Variants in LTBP4 observed in about 807,000 individuals in gnomAD.
LTBP4 encodes latent-transforming growth factor beta-binding protein 4.
A neutral mutation model predicts 180.2 loss-of-function variants in LTBP4; 93 were observed. The observed-to-expected ratio is 0.52, with a 90% CI of 0.44 to 0.61. The LOEUF (loss-of-function observed/expected upper bound fraction) is 0.61, where lower values mean the gene tolerates loss of function less well. Ranked by LOEUF, LTBP4 falls within the 20% of genes least tolerant of loss-of-function variation. The pLI, the probability that LTBP4 is intolerant of heterozygous loss-of-function variation, is 0.00. For missense variants in LTBP4, 2,116 were observed against 2,256.5 expected (o/e 0.94, Z 1.26); for synonymous variants, 947 against 934.5 (o/e 1.01, Z -0.24).
At chr19:40,598,341 G>A (rs960365290), upstream of LTBP4, among the ~76,000 whole-genome samples, 2 of 151,914 alleles carry the variant, frequency 1.3e-5, no homozygotes, top group African/African-American at 4.8e-5. Context: ...CCACCTGAGA[G>A]GGGCCCACGC....
At chr19:40,610,698 G>A (rs1443029245) in intron 12 of LTBP4, 41 bp downstream of exon 12, 1 of 1,552,628 alleles carries the variant, frequency 6.4e-7, no homozygotes, top group African/African-American at 1.3e-5. Flanking sequence ...GGTGTGAGCG[G>A]TTGGGTAGAG....
upstream of LTBP4, chr19:40,601,352 T>G (rs1318139677): frequency 9.1e-7 from 1 of 1,100,944 alleles, no homozygotes; most frequent in Non-Finnish European, 1.1e-6. Flanking sequence ...TCGGGCGGGC[T>G]GGGGCGGCGG....
intron 11 of LTBP4, 153 bp from the exon 12 acceptor site, chr19:40,610,379 C>T: frequency 1.2e-6 from 1 of 847,562 alleles, no homozygotes; most frequent in Non-Finnish European, 1.8e-6. Context: ...TTGCCTCTCT[C>T]ACTGTGCCCC....
At position 40,609,823 on chromosome 19, in the gene LTBP4, G is replaced by A. The variant is rs886054446; in HGVS notation, c.1636G>A (p.Val546Met). The A allele has an allele frequency of 6.2e-7, 1 of 1,604,678 alleles. No individual in the cohort carries two copies. The highest frequency in any genetic ancestry group is 8.5e-7 in the Non-Finnish European group (1 of 1,175,318). The change falls in exon 11 of 30, where the codon GTG becomes ATG. Residue 546 changes from valine (V) to methionine (M), a missense_variant. Val to Met is a conservative substitution (Grantham distance 21). Coordinates refer to ENST00000396819, the MANE Select transcript of LTBP4 (RefSeq NM_001042545.2). The surrounding 1 kb of genome is among the most constrained non-coding windows in gnomAD (Gnocchi z 4.9). ...CENSPGSFRCVCGPGFRAGPR... is the reference protein window; with the variant it reads ...CENSPGSFRCMCGPGFRAGPR... Reference sequence around the variant, plus strand: ...GAACTCACCAGGCAGCTTCCGCTGCGTGTGCGGCCCGGGCTTCCGAGCCGG... The same window carrying A: ...GAACTCACCAGGCAGCTTCCGCTGCATGTGCGGCCCGGGCTTCCGAGCCGG...
chr19:40,608,098 C>T, intron 7 of LTBP4, 122 bp from the exon 8 acceptor site: 1 of 1,056,986 alleles, frequency 9.5e-7, no homozygotes, highest in Non-Finnish European at 1.4e-6. Context: ...ATCCCAGCCT[C>T]CAGCTCAAAC....
At chr19:40,601,147 G>A (rs894029983), upstream of LTBP4, among the ~76,000 whole-genome samples, 1 of 152,134 alleles carries the variant, frequency 6.6e-6, no homozygotes, top group Non-Finnish European at 1.5e-5. Context: ...CCACTTGTTG[G>A]TGCGCGGATG....
At chr19:40,603,019 C>T (rs2081435108) in intron 1 of LTBP4, among the ~76,000 whole-genome samples, 1 of 152,156 alleles carries the variant, frequency 6.6e-6, no homozygotes, top group South Asian at 2.1e-4. Context: ...GCCCCACACT[C>T]CTACCTAAGG....
At chr19:40,627,603 A>G (rs1309200315) in intron 28 of LTBP4, 102 bp from the exon 29 acceptor site, 2 of 1,455,950 alleles carry the variant, frequency 1.4e-6, no homozygotes, top group African/African-American at 1.4e-5. Context: ...CGGGATGGAC[A>G]GTTTACAGCG....
Position 40,609,581 on chromosome 19 carries a change from G to C in LTBP4, c.1478G>C (p.Arg493Pro). 1.2e-6 allele frequency: 2 copies of C among 1,613,482 alleles called. No individual in the cohort carries two copies. Among genetic ancestry groups the C allele is most frequent in the Non-Finnish European group, 1.7e-6 (2 of 1,179,848 alleles). The change falls in exon 10 of 30, where the codon CGC (arginine) becomes CCC (proline). Residue 493 changes from arginine to proline, a missense_variant. Physicochemically the swap from Arg to Pro is moderately radical, Grantham distance 103 (BLOSUM62 -2). Coordinates refer to ENST00000396819, the MANE Select transcript of LTBP4 (RefSeq NM_001042545.2). The surrounding 1 kb of genome is among the most constrained non-coding windows in gnomAD (Gnocchi z 4.9). ...QRNPQVCGPG[R>P]CISRPSGYTC... ...AACCCCCAGGTCTGCGGCCCAGGAC[G>C]CTGCATTTCCCGGCCCAGCGGCTAC...
chr19:40,622,447 GCCCGCCAGGCCA>G lies in LTBP4; in HGVS notation c.3267_3278del (p.Ala1090_Pro1093del), dbSNP rs747576593. ...CCCAGGCACCTGCTAGCCCCGTTCT[GCCCGCCAGGCCA>G]CCTCCGCCACCCCTGCCCCGCCGAC... On this transcript the variant is annotated inframe_deletion, in exon 23 of 30. Coordinates refer to ENST00000396819, the MANE Select transcript of LTBP4 (RefSeq NM_001042545.2). The surrounding 1 kb of genome is among the most constrained non-coding windows in gnomAD (Gnocchi z 5.1). The G allele has an allele frequency of 6.3e-7, 1 of 1,594,416 alleles. No individual in the cohort carries two copies.
rs1389627565 is a variant in LTBP4 at position 40,624,135 on chromosome 19, C to T, written c.3832+53C>T. 4.8e-6 allele frequency: 7 copies of T among 1,470,884 alleles called. No individual in the cohort carries two copies. The East Asian group carries it at 1.0e-4, about 21-fold the overall frequency. The allele number at this position is 1,470,884 out of a possible 1,614,324, so 91.1% of individuals were successfully genotyped here. A position where few individuals can be genotyped will look rare whatever the true frequency, so the allele number is the denominator to read the frequency against. On this transcript the variant is annotated intron_variant, in intron 26 of 29. Transcript: ENST00000396819. ...TCCTTCCCTTGGCTCGGCCTCACAC[C>T]CGCACCCGGGCCACACCTTTGCGAC...
chr19:40,618,160 C>G (rs945191284), intron 21 of LTBP4, among the ~76,000 whole-genome samples: 1 of 151,588 alleles, frequency 6.6e-6, no homozygotes, highest in Admixed American at 6.6e-5. Flanking sequence ...AACTCCTGGG[C>G]TCAAGCCATC....
At chr19:40,614,832 C>T (rs932733239) in intron 19 of LTBP4, among the ~76,000 whole-genome samples, 1 of 152,178 alleles carries the variant, frequency 6.6e-6, no homozygotes, top group African/African-American at 2.4e-5. Flanking sequence ...CCGCGCCCTC[C>T]ACCAGTCCTA....
Position 40,629,408 on chromosome 19 carries a change from G to A in LTBP4, c.4532G>A (p.Cys1511Tyr), listed in dbSNP as rs1178148404. ...CTCCCCTCCGCAGACATCAACGAGT[G>A]TGATGAGGCCGAGGCTGCCTCCCCG... ...TRMACVDINE[C>Y]DEAEAASPLC... Residue 1511 changes from cysteine to tyrosine, a missense_variant, in exon 30 of 30, where the codon TGT becomes TAT. Physicochemically the swap from Cys to Tyr is radical, Grantham distance 194 (BLOSUM62 -2). This residue lies in a region of LTBP4 where 488 missense variants were observed against 458.8 expected (regional missense o/e 1.06). Coordinates refer to ENST00000396819, the MANE Select transcript of LTBP4 (RefSeq NM_001042545.2). The surrounding 1 kb of genome is among the most constrained non-coding windows in gnomAD (Gnocchi z 4.5). The A allele has an allele frequency of 3.1e-6, 5 of 1,613,014 alleles. No homozygotes were observed. Among genetic ancestry groups the A allele is most frequent in the Non-Finnish European group, 3.4e-6 (4 of 1,179,632 alleles).
At position 40,622,848 on chromosome 19, in the gene LTBP4, C is replaced by T; in HGVS notation, c.3485-102C>T. The T allele has an allele frequency of 7.1e-7, 1 of 1,407,602 alleles. No homozygotes were observed. The highest frequency in any genetic ancestry group is 9.7e-7 in the Non-Finnish European group (1 of 1,029,582). 87.2% of individuals were successfully genotyped at this position (1,407,602 alleles called of 1,614,324 possible). A position where few individuals can be genotyped will look rare whatever the true frequency, so the allele number is the denominator to read the frequency against. ...CATAAGGCTGAGAGGTGGGCACTAA[C>T]AGGCACAGGGCCAGAGGGACTTTTG... On this transcript the variant is annotated intron_variant, in intron 23 of 29. Transcript: ENST00000396819. The surrounding 1 kb of genome is among the most constrained non-coding windows in gnomAD (Gnocchi z 5.1).
In LTBP4 at chr19:40,613,382, C is replaced by T. The variant is rs1195578536; in HGVS notation, c.2432-22C>T. ...TGGGAGGCCGGGTCCCGTGACTCCGCCCAATCTCCCGCGTACCCTAGACGT... is the reference window on the plus strand; with the variant it reads ...TGGGAGGCCGGGTCCCGTGACTCCGTCCAATCTCCCGCGTACCCTAGACGT... On this transcript the variant is annotated intron_variant, in intron 16 of 29. Transcript: ENST00000396819. The surrounding 1 kb of genome is among the most constrained non-coding windows in gnomAD (Gnocchi z 5.0). The T allele has an allele frequency of 6.2e-7, 1 of 1,601,014 alleles. No homozygotes were observed. The highest frequency in any genetic ancestry group is 1.7e-5 in the Admixed American group (1 of 58,684).
rs896014732 is a variant in LTBP4 at position 40,605,938 on chromosome 19, G to C, written c.793+107G>C. 6.4e-6 allele frequency: 8 copies of C among 1,255,180 alleles called. No individual in the cohort carries two copies. The highest frequency in any genetic ancestry group is 2.4e-5 in the Admixed American group (1 of 41,880). 77.8% of individuals were successfully genotyped at this position (1,255,180 alleles called of 1,614,324 possible). ...AACCCAGTTCACAAATTGTAGCCAC[G>C]CCTACCCCATTGTGGAGGCGACTTC... is the stretch of plus-strand genomic sequence containing the variant. On this transcript the variant is annotated intron_variant, in intron 4 of 29. Transcript: ENST00000396819. The surrounding 1 kb of genome is among the most constrained non-coding windows in gnomAD (Gnocchi z 5.5).
In LTBP4 at chr19:40,627,692, G is replaced by A. The variant is rs2081646125; in HGVS notation, c.4367-13G>A. 1 of 1,579,978 alleles carries A rather than the reference G, an allele frequency of 6.3e-7. No homozygotes were observed. The highest frequency in any genetic ancestry group is 2.3e-5 in the East Asian group (1 of 42,898). On this transcript the variant is annotated splice_polypyrimidine_tract_variant and intron_variant, in intron 28 of 29. Transcript: ENST00000396819. ...AGGGACCTCAAGTCATAGGGTCCCC[G>A]CATTTCCCACAGGTTCCCTGGCTGA...
In LTBP4 at chr19:40,629,675, C is replaced by A. The variant is rs569370832; in HGVS notation, c.*125C>A. On this transcript the variant is annotated 3_prime_UTR_variant, in exon 30 of 30. Transcript: ENST00000396819. This position sits in a 1 kb window ranked among gnomAD's most constrained non-coding sequence, Gnocchi z 4.5. ...TGGACCTGGAGAAGGGACCTACGGA[C>A]GCCTGGAAGCTGCGACGCCCTGCAC... 1 of 1,024,424 alleles carries A rather than the reference C, an allele frequency of 9.8e-7. No individual in the cohort carries two copies. Among genetic ancestry groups the A allele is most frequent in the Non-Finnish European group, 1.3e-6 (1 of 785,822 alleles). 63.5% of individuals were successfully genotyped at this position (1,024,424 alleles called of 1,614,324 possible).
Sources: gnomAD v4.1 joint callset for allele counts (sites outside exome capture counted in the v4.1 genomes callset) on GRCh38, gnomAD v4.1.1 for gene constraint, gnomAD v4.1.1 regional missense constraint, Gnocchi (gnomAD v3.1) non-coding constraint, MANE v1.5 for transcripts, NCBI Gene and HGNC (gene_info 2026-07-23, HGNC 2026-07-21) for gene names.